The following DDHD2 variants were observed in gnomAD, a reference collection of about 807,000 sequenced individuals.
DDHD2 encodes the protein triacylglycerol hydrolase DDHD2.
A neutral mutation model predicts 91.2 loss-of-function variants in DDHD2; 62 were observed. The observed-to-expected ratio is 0.68, with a 90% CI of 0.55 to 0.84. The LOEUF is 0.84. DDHD2 is among the 40% of genes least tolerant of loss of function. The pLI is 0.00. For synonymous variants in DDHD2, 271 were observed against 293.9 expected, an observed-to-expected ratio of 0.92 and a Z score of 0.80; for missense variants, 740 against 846.9, an observed-to-expected ratio of 0.87 and a Z score of 1.57.
At chr8:38,259,387 GTTT>G (rs1241069968) in intron 16 of DDHD2, among the ~76,000 whole-genome samples, 3 of 132,892 alleles carry the variant, frequency 2.3e-5, no homozygotes, top group African/African-American at 2.7e-5. Flanking sequence ...CGCCTGGCTA[GTTT>G]TTTTTTTTTT....
At chr8:38,243,116 T>G (rs1340420869) in intron 7 of DDHD2, among the ~76,000 whole-genome samples, 1 of 152,192 alleles carries the variant, frequency 6.6e-6, no homozygotes, top group Non-Finnish European at 1.5e-5. Flanking sequence ...AACACTGTGG[T>G]GGGGTCCGGA....
chr8:38,266,765 C>CA (rs1004647101), downstream of DDHD2, among the ~76,000 whole-genome samples: 5 of 151,926 alleles, frequency 3.3e-5, no homozygotes, highest in African/African-American at 1.2e-4. Flanking sequence ...GAAAGGGAAA[C>CA]AAAAAGAAAA....
chr8:38,259,822 T>A lies in DDHD2; in HGVS notation c.2055-218T>A, dbSNP rs150560102. On this transcript the variant is annotated intron_variant, in intron 16 of 17. Coordinates refer to ENST00000397166, the MANE Select transcript of DDHD2 (RefSeq NM_015214.3). ...GGCATGAGCCACCGCACCTGGCCTC[T>A]CTTCCTAGCTTTTTTATATTACTAG... is the stretch of plus-strand genomic sequence containing the variant. 2.9e-3 allele frequency among the ~76,000 whole-genome samples: 441 copies of A among 152,334 alleles called. 1 individual carries two copies. Among genetic ancestry groups the A allele is most frequent in the African/African-American group, 0.01 (429 of 41,580 alleles).
chr8:38,253,858 T>C (rs1278722056), intron 16 of DDHD2, 140 bp downstream of exon 16: 2 of 813,654 alleles, frequency 2.5e-6, no homozygotes, highest in Admixed American at 5.0e-5. Context: ...GGTGGGAGGA[T>C]TGCTTGAGTT....
intron 5 of DDHD2, among the ~76,000 whole-genome samples, chr8:38,240,030 CT>C (rs1805128786): frequency 6.6e-6 from 1 of 151,648 alleles, no homozygotes; most frequent in South Asian, 2.1e-4. Flanking sequence ...GCCGAGTTTT[CT>C]TTTTCAGAGA....
chr8:38,237,780 A>C (rs1001266014), intron 4 of DDHD2, among the ~76,000 whole-genome samples, 153 bp downstream of exon 4: 10 of 152,226 alleles, frequency 6.6e-5, no homozygotes, highest in African/African-American at 2.4e-4. Flanking sequence ...ACTTGTAGCC[A>C]CTACTGTTAT....
At chr8:38,268,280 G>A in intron 1 of DDHD2, 2 of 1,210,500 alleles carry the variant, frequency 1.7e-6, no homozygotes, top group Non-Finnish European at 2.3e-6. Flanking sequence ...AGAACTCAGT[G>A]GCCTCCACAC....
intron 7 of DDHD2, among the ~76,000 whole-genome samples, chr8:38,242,683 G>A (rs1805343107): frequency 6.6e-6 from 1 of 152,088 alleles, no homozygotes; most frequent in African/African-American, 2.4e-5. Context: ...TCCATCTTCA[G>A]ATGTCAAAAG....
intron 6 of DDHD2, among the ~76,000 whole-genome samples, chr8:38,241,037 C>G (rs1283200395): frequency 6.8e-6 from 1 of 147,976 alleles, no homozygotes; most frequent in Non-Finnish European, 1.5e-5. Context: ...GGCCACTGCA[C>G]TCCAGCCTAG....
intron 7 of DDHD2, among the ~76,000 whole-genome samples, chr8:38,245,257 C>T (rs1805532484): frequency 6.6e-6 from 1 of 151,526 alleles, no homozygotes; most frequent in Admixed American, 6.6e-5. Context: ...CATGACAAAA[C>T]CCTGTCACTA....
In DDHD2 at chr8:38,253,132, G is replaced by A. The variant is rs766037225; in HGVS notation, c.1891+5G>A. 2.9e-5 allele frequency: 46 copies of A among 1,612,576 alleles called. No homozygotes were observed. The highest frequency in any genetic ancestry group is 3.9e-5 in the Non-Finnish European group (46 of 1,179,192). On this transcript the variant is annotated splice_donor_5th_base_variant and intron_variant, in intron 15 of 17. Transcript: ENST00000397166. ...CAACTTCAGAGAAGCCTAGTGGTCA[G>A]TGACACTGTACACATTGACCAGCTG...
intron 1 of DDHD2, chr8:38,268,394 C>T (rs775152563): frequency 7.6e-6 from 12 of 1,571,622 alleles, no homozygotes; most frequent in South Asian, 1.2e-5. Flanking sequence ...TCTGCTGTCT[C>T]TTGTGTCTGC....
At position 38,253,737 on chromosome 8, in the gene DDHD2, T is replaced by G; in HGVS notation, c.2054+19T>G. 1 of 1,610,248 alleles carries G rather than the reference T, an allele frequency of 6.2e-7. No individual in the cohort carries two copies. Among genetic ancestry groups the G allele is most frequent in the Non-Finnish European group, 8.5e-7 (1 of 1,177,774 alleles). Reference sequence around the variant, plus strand: ...GCTACTGGTAAATGTTGTTTATTTTTGTCTGTTTTGTTTGTTTACCTGTTT... The same window carrying G: ...GCTACTGGTAAATGTTGTTTATTTTGGTCTGTTTTGTTTGTTTACCTGTTT... On this transcript the variant is annotated intron_variant, in intron 16 of 17. Transcript: ENST00000397166.
rs145943165 is a variant in DDHD2 at position 38,247,717 on chromosome 8, C to T, written c.1130C>T (p.Ser377Leu). Residue 377 changes from serine (S) to leucine (L), a missense_variant, in exon 10 of 18, where the codon TCG becomes TTG. Ser to Leu is a moderately radical substitution (Grantham distance 145, BLOSUM62 -2). Coordinates refer to ENST00000397166, the MANE Select transcript of DDHD2 (RefSeq NM_015214.3). ...SLGDIDSEKD[S>L]LNIVMDQGDT... Reference sequence around the variant, plus strand: ...GCTTTATAATTTAATTTTTAGGATTCGCTAAATATTGTAATGGATCAAGGA... The same window carrying T: ...GCTTTATAATTTAATTTTTAGGATTTGCTAAATATTGTAATGGATCAAGGA... The T allele has an allele frequency of 3.1e-4, 458 of 1,486,516 alleles. 1 individual carries two copies. Among genetic ancestry groups the T allele is most frequent in the Admixed American group, 7.3e-4 (30 of 40,846 alleles). 92.1% of individuals were successfully genotyped at this position (1,486,516 alleles called of 1,614,324 possible).
chr8:38,260,140 T>A lies in DDHD2; in HGVS notation c.*19T>A. On this transcript the variant is annotated 3_prime_UTR_variant, in exon 17 of 18. Transcript: ENST00000397166. ...ACAGTAAAAATGACCCATCTATGGC[T>A]GCTTAATGTAAGTTTTAAAATGTCA... 1 of 1,541,936 alleles carries A rather than the reference T, an allele frequency of 6.5e-7. No homozygotes were observed. Among genetic ancestry groups the A allele is most frequent in the Non-Finnish European group, 9.0e-7 (1 of 1,115,504 alleles).
intron 16 of DDHD2, among the ~76,000 whole-genome samples, chr8:38,258,704 G>C (rs1806732210): frequency 6.6e-6 from 1 of 152,178 alleles, no homozygotes; most frequent in African/African-American, 2.4e-5. Context: ...ATGAGTTTGT[G>C]GGAGATGAGG....
In DDHD2 at chr8:38,252,147, C is replaced by T. The variant is rs547550120; in HGVS notation, c.1477C>T (p.Pro493Ser). The T allele has an allele frequency of 4.0e-5, 65 of 1,613,890 alleles. No individual in the cohort carries two copies. The highest frequency in any genetic ancestry group is 5.2e-5 in the Non-Finnish European group (61 of 1,179,950). ...VGIGQVSVKY[P>S]RLIYKPEIFF... Reference sequence around the variant, plus strand: ...CTCCTTTGAGGTGTCTGTGAAATACCCCCGGCTCATCTATAAACCAGAGAT... The same window carrying T: ...CTCCTTTGAGGTGTCTGTGAAATACTCCCGGCTCATCTATAAACCAGAGAT... The change falls in exon 13 of 18, where the codon CCC becomes TCC. Residue 493 changes from proline (P) to serine (S), a missense_variant. Physicochemically the swap from Pro to Ser is moderately conservative, Grantham distance 74 (BLOSUM62 -1). Transcript: ENST00000397166.
At chr8:38,251,829 TACC>T in intron 11 of DDHD2, 80 bp from the exon 12 acceptor site, 1 of 920,184 alleles carries the variant, frequency 1.1e-6, no homozygotes, top group South Asian at 1.4e-5. Context: ...CCTACCTACC[TACC>T]TCAGGGTCCT....
chr8:38,260,343 T>C, intron 17 of DDHD2, 196 bp downstream of exon 17: 1 of 410,012 alleles, frequency 2.4e-6, no homozygotes, highest in Middle Eastern at 6.7e-4. Flanking sequence ...GGAAGATTAG[T>C]GTATGTCTGT....
Sources: allele counts gnomAD v4.1 joint callset (sites outside exome capture counted in the v4.1 genomes callset), GRCh38; gene constraint gnomAD v4.1.1; transcripts MANE v1.5; gene names NCBI Gene and HGNC (gene_info 2026-07-23, HGNC 2026-07-21).